The following IL1RAPL2 variants were observed in gnomAD, a reference collection of about 807,000 sequenced individuals.
IL1RAPL2 encodes the protein X-linked interleukin-1 receptor accessory protein-like 2.
Under a neutral mutation model 44.1 loss-of-function variants are expected in IL1RAPL2, and 3 were observed. That is an observed-to-expected ratio of 0.07 (90% CI 0.03 to 0.18). The LOEUF (loss-of-function observed/expected upper bound fraction) is 0.18, where lower values mean the gene tolerates loss of function less well. Ranked by LOEUF, IL1RAPL2 falls within the 10% of genes least tolerant of loss-of-function variation. The pLI, the probability that IL1RAPL2 is intolerant of heterozygous loss-of-function variation, is 1.00. For missense variants in IL1RAPL2, 391 were observed against 496.4 expected, an observed-to-expected ratio of 0.79 and a Z score of 2.02; for synonymous variants, 181 against 178.8, an observed-to-expected ratio of 1.01 and a Z score of -0.10.
intron 6 of IL1RAPL2, among the ~76,000 whole-genome samples, chrX:105,541,942 CTT>C (rs1328957220): frequency 9.0e-6 from 1 of 111,399 alleles, no homozygotes; most frequent in African/African-American, 3.3e-5. Flanking sequence ...CGTTTGCTGT[CTT>C]TGTATCCTTT....
chrX:104,932,327 A>G (rs1171061506), intron 2 of IL1RAPL2, among the ~76,000 whole-genome samples: 2 of 110,722 alleles, frequency 1.8e-5, no homozygotes, highest in African/African-American at 6.6e-5. Context: ...ATGTAAATTG[A>G]TATTAAATCC....
intron 2 of IL1RAPL2, among the ~76,000 whole-genome samples, chrX:105,118,518 G>T (rs1292100907): frequency 4.5e-5 from 5 of 112,236 alleles, no homozygotes; most frequent in African/African-American, 9.7e-5. Flanking sequence ...GTGCTCACTT[G>T]AGTGGTCCTA....
At chrX:105,261,162 A>G (rs1263717657) in intron 4 of IL1RAPL2, among the ~76,000 whole-genome samples, 1 of 111,576 alleles carries the variant, frequency 9.0e-6, no homozygotes. Context: ...GAGGGTTGCA[A>G]AGATCCGTGG....
intron 3 of IL1RAPL2, chrX:105,220,095 T>TGCCAAGGC: frequency 8.3e-7 from 1 of 1,211,316 alleles, no homozygotes; most frequent in Non-Finnish European, 1.1e-6. Context: ...GTGCGGCTGA[T>TGCCAAGGC]TTGTGCAGTT....
chrX:105,687,848 G>A (rs1053118307), intron 6 of IL1RAPL2, among the ~76,000 whole-genome samples: 5 of 111,422 alleles, frequency 4.5e-5, no homozygotes, highest in African/African-American at 9.8e-5. Flanking sequence ...ACCGAATCCC[G>A]CAGCACATCA....
rs137923787 is a variant in IL1RAPL2 at position 105,616,054 on chromosome X, A to G, written c.773-101313A>G. 3.5e-3 allele frequency among the ~76,000 whole-genome samples: 388 copies of G among 112,198 alleles called. 3 individuals carry two copies. The highest frequency in any genetic ancestry group is 0.012 in the African/African-American group (358 of 30,989). On this transcript the variant is annotated intron_variant, in intron 6 of 10. Coordinates refer to ENST00000372582, the MANE Select transcript of IL1RAPL2 (RefSeq NM_017416.2). The stretch of plus-strand genomic sequence containing the variant: ...TGGAATACAAATGGAAGATTATATA[A>G]CTATATCTTATCAATGTTAAATTCA...
intron 2 of IL1RAPL2, among the ~76,000 whole-genome samples, chrX:104,955,469 T>C (rs962221889): frequency 9.5e-6 from 1 of 104,777 alleles, no homozygotes; most frequent in Admixed American, 1.0e-4. Context: ...TTATATATGT[T>C]ATACTCCCAG....
intron 2 of IL1RAPL2, among the ~76,000 whole-genome samples, chrX:104,918,522 G>A (rs1269622167): frequency 8.9e-6 from 1 of 112,006 alleles, no homozygotes; most frequent in Non-Finnish European, 1.9e-5. Flanking sequence ...TTTAACATTT[G>A]GAGAGGTGCA....
chrX:105,665,344 C>CGCGCGTGT (rs1197936624), intron 6 of IL1RAPL2, among the ~76,000 whole-genome samples: 2 of 98,538 alleles, frequency 2.0e-5, no homozygotes, highest in African/African-American at 7.3e-5. Flanking sequence ...TATGCGCGTG[C>CGCGCGTGT]GTGTGTGTGT....
intron 2 of IL1RAPL2, among the ~76,000 whole-genome samples, chrX:105,162,721 C>T (rs938066608): frequency 1.8e-5 from 2 of 111,630 alleles, no homozygotes; most frequent in African/African-American, 3.3e-5. Flanking sequence ...TCTTTTATAA[C>T]AAAAATATCA....
Position 105,310,312 on chromosome X carries a change from T to C in IL1RAPL2, c.697+42771T>C, listed in dbSNP as rs762983792. ...ATAGGATTTATAGTGCTATCCTGTC[T>C]TTCTTTCTGGTATTGGTAATTTGTG... On this transcript the variant is annotated intron_variant, in intron 5 of 10. Coordinates refer to ENST00000372582, the MANE Select transcript of IL1RAPL2 (RefSeq NM_017416.2). 2.7e-3 allele frequency among the ~76,000 whole-genome samples: 300 copies of C among 111,695 alleles called. 1 individual carries two copies. Among genetic ancestry groups the C allele is most frequent in the African/African-American group, 9.0e-3 (276 of 30,832 alleles).
chrX:105,375,244 G>T (rs2035378617), intron 5 of IL1RAPL2, among the ~76,000 whole-genome samples: 1 of 111,114 alleles, frequency 9.0e-6, no homozygotes, highest in African/African-American at 3.3e-5. Flanking sequence ...GGGCATGGTG[G>T]CTCATACCTG....
At chrX:105,537,522 A>G (rs1252922041) in intron 6 of IL1RAPL2, among the ~76,000 whole-genome samples, 1 of 111,757 alleles carries the variant, frequency 8.9e-6, no homozygotes, top group Non-Finnish European at 1.9e-5. Context: ...AAGTTTTTCT[A>G]CCTTTGCTTA....
chrX:105,682,995 A>G (rs906653428), intron 6 of IL1RAPL2, among the ~76,000 whole-genome samples: 6 of 112,327 alleles, frequency 5.3e-5, no homozygotes, highest in African/African-American at 1.9e-4. Flanking sequence ...AAATGTCAAT[A>G]AAACATTAAA....
intron 5 of IL1RAPL2, among the ~76,000 whole-genome samples, chrX:105,335,701 C>T (rs1025067483): frequency 3.6e-5 from 4 of 110,882 alleles, no homozygotes; most frequent in Non-Finnish European, 7.6e-5. Flanking sequence ...ATAGTTGGAT[C>T]CATTTTTAAT....
intron 2 of IL1RAPL2, among the ~76,000 whole-genome samples, chrX:104,914,396 G>T (rs972422971): frequency 9.0e-6 from 1 of 111,499 alleles, no homozygotes; most frequent in East Asian, 2.8e-4. Context: ...GCTAAAAAAG[G>T]AAAGTGTCTC....
intron 6 of IL1RAPL2, among the ~76,000 whole-genome samples, chrX:105,642,977 T>C (rs2037576590): frequency 8.8e-6 from 1 of 113,286 alleles, no homozygotes; most frequent in African/African-American, 3.2e-5. Context: ...GACAAAGCTC[T>C]GTCCTCCATA....
intron 2 of IL1RAPL2, among the ~76,000 whole-genome samples, chrX:105,130,219 C>T (rs1464879367): frequency 9.0e-6 from 1 of 110,962 alleles, no homozygotes; most frequent in Non-Finnish European, 1.9e-5. Context: ...TTCCAGTGCT[C>T]CTCAAATATT....
At chrX:105,193,724 T>C (rs781818499) in intron 2 of IL1RAPL2, among the ~76,000 whole-genome samples, 62 of 112,169 alleles carry the variant, frequency 5.5e-4, no homozygotes, top group Non-Finnish European at 9.6e-4. Flanking sequence ...ATATTTAGTC[T>C]AAACCACTGT....
Sources: gnomAD v4.1 joint callset for allele counts (sites outside exome capture counted in the v4.1 genomes callset) on GRCh38, gnomAD v4.1.1 for gene constraint, MANE v1.5 for transcripts, NCBI Gene and HGNC (gene_info 2026-07-23, HGNC 2026-07-21) for gene names.